SPAG16: variants seen among roughly 807,000 people sequenced by gnomAD.
SPAG16 encodes the protein sperm associated antigen 16.
In SPAG16, 86 loss-of-function variants were observed where a neutral mutation model predicts 80.4. That is an observed-to-expected ratio of 1.07 (90% confidence interval 0.90 to 1.28). The LOEUF is 1.28. SPAG16 is among the 50% of genes most tolerant of loss of function. SPAG16 has a pLI of 0.00. For missense variants in SPAG16, 870 were observed against 765.3 expected, an observed-to-expected ratio of 1.14 and a Z score of -1.61; for synonymous variants, 294 against 265.9, an observed-to-expected ratio of 1.11 and a Z score of -1.03.
chr2:213,450,124 G>A (rs1292270832), intron 9 of SPAG16, among the ~76,000 whole-genome samples: 1 of 152,142 alleles, frequency 6.6e-6, no homozygotes, highest in African/African-American at 2.4e-5. Context: ...GGGCAACATG[G>A]TGAAACACTG....
chr2:213,736,147 C>G (rs2067270747), intron 10 of SPAG16, among the ~76,000 whole-genome samples: 1 of 152,132 alleles, frequency 6.6e-6, no homozygotes. Flanking sequence ...TTAAAAGGCA[C>G]TGTCATTCTG....
chr2:213,350,482 T>A lies in SPAG16; in HGVS notation c.645-46T>A, dbSNP rs576825834. Reference sequence around the variant, plus strand: ...TTGATGTTAGATGGAAATTACTGATTTAACTCAATAACCCCTTAAGATGCT... The same window carrying A: ...TTGATGTTAGATGGAAATTACTGATATAACTCAATAACCCCTTAAGATGCT... On this transcript the variant is annotated intron_variant, in intron 6 of 15. Coordinates refer to ENST00000331683, the MANE Select transcript of SPAG16 (RefSeq NM_024532.5). 1.4e-5 allele frequency: 14 copies of A among 1,011,188 alleles called. No homozygotes were observed. The East Asian group carries it at 3.0e-4, about 22-fold the overall frequency. The allele number at this position is 1,011,188 out of a possible 1,614,324, so 62.6% of individuals were successfully genotyped here.
At chr2:214,101,485 G>T (rs146889737) in intron 13 of SPAG16, among the ~76,000 whole-genome samples, 1 of 151,938 alleles carries the variant, frequency 6.6e-6, no homozygotes, top group Non-Finnish European at 1.5e-5. Context: ...CTGAAAATGC[G>T]AAGTTGGGAA....
intron 15 of SPAG16, among the ~76,000 whole-genome samples, chr2:214,220,568 ACT>A (rs1471677801): frequency 6.6e-6 from 1 of 151,978 alleles, no homozygotes; most frequent in Non-Finnish European, 1.5e-5. Flanking sequence ...ATAATTAAAC[ACT>A]CTGTGTTCTC....
At chr2:214,128,116 G>A (rs1381089855) in intron 14 of SPAG16, among the ~76,000 whole-genome samples, 1 of 151,842 alleles carries the variant, frequency 6.6e-6, no homozygotes, top group Non-Finnish European at 1.5e-5. Flanking sequence ...TCATTCAAAT[G>A]TAAATAACTA....
intron 15 of SPAG16, among the ~76,000 whole-genome samples, chr2:214,277,586 A>G (rs1692566105): frequency 6.7e-6 from 1 of 150,130 alleles, no homozygotes; most frequent in Non-Finnish European, 1.5e-5. Context: ...GGTCCACTCC[A>G]GACCCTGTTT....
chr2:213,471,776 A>G (rs1382883370), intron 9 of SPAG16, among the ~76,000 whole-genome samples: 2 of 152,182 alleles, frequency 1.3e-5, no homozygotes, highest in Non-Finnish European at 2.9e-5. Context: ...CTCGATGAAT[A>G]GGCCACAGTA....
Position 213,702,481 on chromosome 2 carries a change from A to C in SPAG16, c.1071-160004A>C, listed in dbSNP as rs146499709. ...TGAGACCACGAACTCACCAAAAGGA[A>C]CAAACAACTCCAGCCACACCATCTT... On this transcript the variant is annotated intron_variant, in intron 10 of 15. Coordinates refer to ENST00000331683, the MANE Select transcript of SPAG16 (RefSeq NM_024532.5). 1.7e-4 allele frequency among the ~76,000 whole-genome samples: 26 copies of C among 152,294 alleles called. 2 individuals are homozygous for C. Among genetic ancestry groups the C allele is most frequent in the African/African-American group, 6.0e-4 (25 of 41,564 alleles).
intron 15 of SPAG16, among the ~76,000 whole-genome samples, chr2:214,281,978 A>G (rs1042123428): frequency 4.6e-5 from 7 of 152,200 alleles, no homozygotes; most frequent in African/African-American, 1.7e-4. Context: ...AACTGAAAGC[A>G]CATCAGTGGC....
At chr2:213,342,329 G>GTA (rs751375879) in intron 6 of SPAG16, among the ~76,000 whole-genome samples, 40 of 63,076 alleles carry the variant, frequency 6.3e-4, no homozygotes, top group Non-Finnish European at 1.2e-3. Context: ...ACATATATGT[G>GTA]TATATATATA....
chr2:213,833,557 A>T (rs5838396), intron 10 of SPAG16, among the ~76,000 whole-genome samples: 239 of 1,342 alleles, frequency 0.18, 80 homozygotes, highest in Admixed American at 0.25. Context: ...TAATATATAT[A>T]ATATATATAA....
intron 9 of SPAG16, among the ~76,000 whole-genome samples, chr2:213,444,321 C>T (rs2071167476): frequency 6.6e-6 from 1 of 152,100 alleles, no homozygotes; most frequent in African/African-American, 2.4e-5. Context: ...CTCAGCTTTT[C>T]CTTCCTTTTT....
intron 14 of SPAG16, among the ~76,000 whole-genome samples, chr2:214,119,123 A>G (rs1436510003): frequency 6.6e-6 from 1 of 152,174 alleles, no homozygotes; most frequent in African/African-American, 2.4e-5. Context: ...AACAAAATAC[A>G]TCTTTAAAAA....
intron 9 of SPAG16, among the ~76,000 whole-genome samples, chr2:213,409,005 C>T (rs10196922): frequency 0.22 from 33,042 of 150,778 alleles, 4,376 homozygotes; most frequent in Non-Finnish European, 0.31. Flanking sequence ...GAAGGAAGTT[C>T]GCTTTGAAAA....
chr2:214,227,466 C>T (rs866597193), intron 15 of SPAG16, among the ~76,000 whole-genome samples: 11 of 152,076 alleles, frequency 7.2e-5, no homozygotes, highest in South Asian at 2.1e-4. Context: ...CTTGATTCAA[C>T]GCTTTTGCCA....
At position 214,213,708 on chromosome 2, in the gene SPAG16, T is replaced by C. The variant is rs529234704; in HGVS notation, c.1720+64442T>C. On this transcript the variant is annotated intron_variant, in intron 15 of 15. Transcript: ENST00000331683. ...GTGCTCAGAGAAGGATTGAGCCCAA[T>C]TAAGAATCACATGTATTCAAAAAAA... 3.0e-4 allele frequency among the ~76,000 whole-genome samples: 46 copies of C among 152,250 alleles called. 2 individuals are homozygous for C. Among genetic ancestry groups the C allele is most frequent in the African/African-American group, 1.0e-3 (42 of 41,554 alleles).
At chr2:214,381,360 C>T (rs530754405) in intron 15 of SPAG16, among the ~76,000 whole-genome samples, 1 of 152,234 alleles carries the variant, frequency 6.6e-6, no homozygotes, top group African/African-American at 2.4e-5. Flanking sequence ...AGCAATGATA[C>T]CTTTCCATGT....
chr2:213,890,877 C>T (rs980668221), intron 11 of SPAG16, among the ~76,000 whole-genome samples: 2 of 151,932 alleles, frequency 1.3e-5, no homozygotes, highest in African/African-American at 4.8e-5. Flanking sequence ...TAATTGACAT[C>T]ATTTTGAGGA....
At chr2:213,619,013 A>G (rs1272179181) in intron 10 of SPAG16, among the ~76,000 whole-genome samples, 1 of 152,246 alleles carries the variant, frequency 6.6e-6, no homozygotes, top group Non-Finnish European at 1.5e-5. Context: ...TTTTGTAAAT[A>G]TAACCATTTA....
Sources: allele counts gnomAD v4.1 joint callset (sites outside exome capture counted in the v4.1 genomes callset), GRCh38; gene constraint gnomAD v4.1.1; transcripts MANE v1.5; gene names NCBI Gene and HGNC (gene_info 2026-07-23, HGNC 2026-07-21).